PCYT1B: variants seen among roughly 807,000 people sequenced by gnomAD.
The protein encoded by PCYT1B is phosphate cytidylyltransferase 1B, choline.
In PCYT1B, 10 loss-of-function variants were observed where a neutral mutation model predicts 26.4. The observed-to-expected ratio is 0.38, with a 90% CI of 0.23 to 0.64. The LOEUF is 0.64. PCYT1B is among the 30% of genes least tolerant of loss of function. The pLI is 0.56. For missense variants in PCYT1B, 161 were observed against 292.7 expected, an observed-to-expected ratio of 0.55 and a Z score of 3.28; for synonymous variants, 131 against 108.4, an observed-to-expected ratio of 1.21 and a Z score of -1.29.
At chrX:24,617,371 G>GC (rs1555960803) in intron 2 of PCYT1B, among the ~76,000 whole-genome samples, 1 of 80,365 alleles carries the variant, frequency 1.2e-5, no homozygotes, top group Non-Finnish European at 2.2e-5. Context: ...TGGTTTGTTT[G>GC]TTTTTTTTTT....
intron 6 of PCYT1B, among the ~76,000 whole-genome samples, chrX:24,577,155 T>C (rs761238428): frequency 2.8e-4 from 31 of 111,113 alleles, no homozygotes; most frequent in African/African-American, 9.8e-4. Context: ...TCCTCATCTC[T>C]AAATTGAGGG....
rs750899807 is a variant in PCYT1B, at chrX:24,562,117, G to A, written c.*176C>T. 23 of 1,210,533 alleles carry A rather than the reference G, an allele frequency of 1.9e-5. No homozygotes were observed. The Admixed American group carries it at 4.6e-4, about 24-fold the overall frequency. Reference sequence around the variant, plus strand: ...TCTCTGCACCTCGCCCAACTCTTCAGCTGTACGGAGAGTGAGAGAGAACTG... The same window carrying A: ...TCTCTGCACCTCGCCCAACTCTTCAACTGTACGGAGAGTGAGAGAGAACTG... On this transcript the variant is annotated 3_prime_UTR_variant, in exon 8 of 8. Coordinates refer to ENST00000379144, the MANE Select transcript of PCYT1B (RefSeq NM_004845.5).
chrX:24,609,350 T>C (rs1172917169), intron 2 of PCYT1B, among the ~76,000 whole-genome samples: 2 of 111,312 alleles, frequency 1.8e-5, no homozygotes, highest in African/African-American at 6.5e-5. Flanking sequence ...TTTGTATTTT[T>C]AGTAGAGACA....
chrX:24,586,528 T>C (rs1436705420), intron 5 of PCYT1B, among the ~76,000 whole-genome samples: 4 of 112,131 alleles, frequency 3.6e-5, no homozygotes, highest in African/African-American at 9.7e-5. Flanking sequence ...TGATGGCACA[T>C]GTCAACAATG....
intron 7 of PCYT1B, among the ~76,000 whole-genome samples, chrX:24,571,367 C>G (rs1196599619): frequency 9.1e-6 from 1 of 110,087 alleles, no homozygotes; most frequent in East Asian, 2.8e-4. Context: ...GACTCCATCT[C>G]AAAAATAAAT....
rs1927147475 is a variant in PCYT1B, at chrX:24,667,313, G to T, written c.63+5257C>A. Among the ~76,000 whole-genome samples the T allele has an allele frequency of 2.7e-5, 3 of 110,804 alleles. No homozygotes were observed. In the Admixed American group the frequency reaches 2.9e-4, roughly 11 times the overall value. ...TTTCTGAAGGAGACAAAACTGTGTT[G>T]GGTTAGCTTGAAGGCTGTACACATA... On this transcript the variant is annotated intron_variant, in intron 1 of 7. Coordinates refer to the PCYT1B transcript ENST00000379145.
intron 5 of PCYT1B, among the ~76,000 whole-genome samples, chrX:24,585,811 G>C (rs1325523317): frequency 9.0e-6 from 1 of 110,848 alleles, no homozygotes; most frequent in Non-Finnish European, 1.9e-5. Flanking sequence ...GTGGAAATGG[G>C]GTTTCCTAGT....
chrX:24,672,592 C>T (rs774695396), exon 1 of PCYT1B: 10 of 1,205,784 alleles, frequency 8.3e-6, no homozygotes, highest in South Asian at 1.8e-5. Context: ...TTGGGGAGCG[C>T]GATTGTCCTC....
chrX:24,575,637 C>T, intron 6 of PCYT1B, among the ~76,000 whole-genome samples: 1 of 112,480 alleles, frequency 8.9e-6, no homozygotes, highest in South Asian at 3.6e-4. Context: ...TTTTGTTGTG[C>T]ATAGATATTG....
upstream of PCYT1B, chrX:24,647,356 T>C (rs1926664941): frequency 1.2e-6 from 1 of 830,379 alleles, no homozygotes; most frequent in Non-Finnish European, 1.5e-6. Flanking sequence ...CTGAAGCGGC[T>C]GGTGCGGGAT....
At chrX:24,598,918 C>A (rs1452256861) in intron 3 of PCYT1B, among the ~76,000 whole-genome samples, 1 of 111,876 alleles carries the variant, frequency 8.9e-6, no homozygotes, top group Non-Finnish European at 1.9e-5. Context: ...TAATCTGAAA[C>A]TGTAGCCCTG....
intron 7 of PCYT1B, among the ~76,000 whole-genome samples, chrX:24,565,760 C>CA (rs1295078124): frequency 2.2e-4 from 21 of 94,828 alleles, no homozygotes; most frequent in Non-Finnish European, 1.9e-4. Context: ...TTTGACTACA[C>CA]AAAATTTTAA....
chrX:24,640,187 T>G (rs969538337), intron 1 of PCYT1B, among the ~76,000 whole-genome samples: 6 of 111,596 alleles, frequency 5.4e-5, no homozygotes, highest in African/African-American at 1.6e-4. Context: ...TATAGGCTCC[T>G]CAATCTACTG....
intron 3 of PCYT1B, among the ~76,000 whole-genome samples, chrX:24,600,462 G>C (rs1924922890): frequency 9.1e-6 from 1 of 110,452 alleles, no homozygotes; most frequent in Non-Finnish European, 1.9e-5. Context: ...TACCTCCCCA[G>C]GAACCAGTGC....
chrX:24,565,760 C>G (rs1923605979), intron 7 of PCYT1B, among the ~76,000 whole-genome samples: 1 of 94,801 alleles, frequency 1.1e-5, no homozygotes, highest in Admixed American at 1.2e-4. Context: ...TTTGACTACA[C>G]AAAATTTTAA....
chrX:24,572,073 A>G (rs1444321255), intron 7 of PCYT1B, among the ~76,000 whole-genome samples: 1 of 111,790 alleles, frequency 8.9e-6, no homozygotes, highest in Non-Finnish European at 1.9e-5. Flanking sequence ...ATGGCAAACA[A>G]GAGCTCATGC....
At chrX:24,670,713 T>A (rs936639052) in intron 1 of PCYT1B, among the ~76,000 whole-genome samples, 2 of 111,600 alleles carry the variant, frequency 1.8e-5, no homozygotes, top group African/African-American at 6.5e-5. Flanking sequence ...GGAGCTTGAG[T>A]CCTTTTGTTG....
intron 3 of PCYT1B, among the ~76,000 whole-genome samples, 178 bp downstream of exon 3, chrX:24,607,567 C>T (rs904513118): frequency 8.9e-6 from 1 of 111,898 alleles, no homozygotes; most frequent in African/African-American, 3.2e-5. Context: ...GATGTAACTT[C>T]CCCTATGGTT....
chrX:24,605,179 A>G (rs1925084696), intron 3 of PCYT1B, among the ~76,000 whole-genome samples: 1 of 111,589 alleles, frequency 9.0e-6, no homozygotes, highest in Admixed American at 9.5e-5. Context: ...TTCTGCCCAT[A>G]TTAATTTCCC....
Sources: allele counts gnomAD v4.1 joint callset (sites outside exome capture counted in the v4.1 genomes callset), GRCh38; gene constraint gnomAD v4.1.1; transcripts MANE v1.5; gene names NCBI Gene and HGNC (gene_info 2026-07-23, HGNC 2026-07-21).